OSBPL8: variants seen among roughly 807,000 people sequenced by gnomAD.
OSBPL8 encodes oxysterol binding protein like 8, also known as oxysterol-binding protein-related protein 8.
A neutral mutation model predicts 125.5 loss-of-function variants in OSBPL8; 59 were observed. The ratio of observed to expected loss-of-function variants is 0.47; its 90% CI spans 0.38 to 0.58. The LOEUF (loss-of-function observed/expected upper bound fraction) is 0.58. Among genes scored for constraint, OSBPL8 ranks in the 20% least tolerant of loss-of-function variants. The probability of loss-of-function intolerance (pLI) is 0.00; values close to 1 mark genes in which losing one functional copy is unlikely to be tolerated. For synonymous variants in OSBPL8, 330 were observed against 338.9 expected (o/e 0.97, Z 0.29); for missense variants, 758 against 1,047.8 (o/e 0.72, Z 3.82).
At chr12:76,488,261 T>C (rs1325913168) in intron 1 of OSBPL8, among the ~76,000 whole-genome samples, 1 of 152,226 alleles carries the variant, frequency 6.6e-6, no homozygotes, top group East Asian at 1.9e-4. Flanking sequence ...TAGATCTATA[T>C]ATACTAAACT....
chr12:76,371,609 A>T, intron 18 of OSBPL8, 25 bp from the exon 19 acceptor site: 1 of 1,517,990 alleles, frequency 6.6e-7, no homozygotes, highest in Non-Finnish European at 8.8e-7. Context: ...ATTCAAAATT[A>T]ATGTAAAGAA....
intron 1 of OSBPL8, among the ~76,000 whole-genome samples, chr12:76,554,468 C>A (rs1026765855): frequency 1.3e-5 from 2 of 152,158 alleles, no homozygotes; most frequent in African/African-American, 4.8e-5. Flanking sequence ...TAGGCTCTAC[C>A]ACCTACTACT....
intron 6 of OSBPL8, among the ~76,000 whole-genome samples, chr12:76,401,547 A>G (rs1954054160): frequency 6.6e-6 from 1 of 152,186 alleles, no homozygotes; most frequent in African/African-American, 2.4e-5. Context: ...AGAGACAGTA[A>G]CCTGCTCAGA....
intron 1 of OSBPL8, among the ~76,000 whole-genome samples, chr12:76,495,590 T>C (rs1215046866): frequency 6.6e-6 from 1 of 152,204 alleles, no homozygotes; most frequent in Non-Finnish European, 1.5e-5. Context: ...TCTGATACTA[T>C]GTCTCTATTC....
intron 1 of OSBPL8, among the ~76,000 whole-genome samples, chr12:76,550,981 G>A (rs1185583986): frequency 6.6e-6 from 1 of 152,078 alleles, no homozygotes; most frequent in African/African-American, 2.4e-5. Flanking sequence ...AGGTGAGGCA[G>A]GAGGATCCTT....
rs368407882 is a variant in OSBPL8, at chr12:76,372,171, TTC to T, written c.1918-589_1918-588del. Among the ~76,000 whole-genome samples the T allele has an allele frequency of 3.5e-4, 53 of 151,560 alleles. 1 individual carries two copies. The highest frequency in any genetic ancestry group is 1.3e-3 in the Admixed American group (20 of 15,202). On this transcript the variant is annotated intron_variant, in intron 18 of 23. Coordinates refer to ENST00000261183, the MANE Select transcript of OSBPL8 (RefSeq NM_020841.5). ...TCTACCTGTTTAACCATCCTTCTCC[TTC>T]TCTCTCTCTCTGTCATCTCTCACTC...
At chr12:76,437,649 TA>T (rs764489194) in intron 4 of OSBPL8, among the ~76,000 whole-genome samples, 1 of 152,158 alleles carries the variant, frequency 6.6e-6, no homozygotes, top group Non-Finnish European at 1.5e-5. Flanking sequence ...TTGCTTTCCC[TA>T]AAGAGTTAAG....
chr12:76,407,239 T>C lies in OSBPL8; in HGVS notation c.288+3325A>G, dbSNP rs533524168. ...CTGAAAAACAAGAGAGTTGGTTGCA[T>C]GCTCATATATATACACAAATTTATA... On this transcript the variant is annotated intron_variant, in intron 5 of 23. Coordinates refer to ENST00000261183, the MANE Select transcript of OSBPL8 (RefSeq NM_020841.5). 4.6e-5 allele frequency among the ~76,000 whole-genome samples: 7 copies of C among 152,316 alleles called. No individual in the cohort carries two copies. The South Asian group carries it at 1.4e-3, about 32-fold the overall frequency.
At chr12:76,406,932 T>C (rs993692762) in intron 5 of OSBPL8, among the ~76,000 whole-genome samples, 8 of 152,122 alleles carry the variant, frequency 5.3e-5, no homozygotes, top group African/African-American at 1.9e-4. Context: ...TTAAATAATG[T>C]CTTGGGGATG....
chr12:76,458,563 A>T (rs2136808113), intron 3 of OSBPL8, among the ~76,000 whole-genome samples: 1 of 152,010 alleles, frequency 6.6e-6, no homozygotes, highest in African/African-American at 2.4e-5. Context: ...TGGTGGCACA[A>T]GCCTGGAGTC....
chr12:76,400,085 G>A, intron 6 of OSBPL8, 111 bp from the exon 7 acceptor site: 1 of 737,548 alleles, frequency 1.4e-6, no homozygotes, highest in Non-Finnish European at 2.1e-6. Context: ...TGTGTCATGG[G>A]GTTTTGTTGT....
intron 22 of OSBPL8, among the ~76,000 whole-genome samples, 193 bp downstream of exon 22, chr12:76,358,513 T>C (rs533976365): frequency 6.6e-6 from 1 of 152,212 alleles, no homozygotes; most frequent in South Asian, 2.1e-4. Flanking sequence ...ATGTCTCCCC[T>C]TTTTCATTTT....
chr12:76,400,084 G>C, intron 6 of OSBPL8, 110 bp from the exon 7 acceptor site: 1 of 740,516 alleles, frequency 1.4e-6, no homozygotes, highest in Non-Finnish European at 2.1e-6. Flanking sequence ...CTGTGTCATG[G>C]GGTTTTGTTG....
chr12:76,433,314 C>T (rs114042748), intron 4 of OSBPL8, among the ~76,000 whole-genome samples: 1,585 of 152,168 alleles, frequency 0.01, 36 homozygotes, highest in African/African-American at 0.037. Context: ...CATAATCATA[C>T]ACGTAGAAAA....
chr12:76,508,560 A>T (rs1326468375), intron 1 of OSBPL8, among the ~76,000 whole-genome samples: 4 of 152,222 alleles, frequency 2.6e-5, no homozygotes, highest in Non-Finnish European at 5.9e-5. Flanking sequence ...TCTAAGTCAC[A>T]GAATGAGATA....
chr12:76,533,352 G>T (rs1049599300), intron 1 of OSBPL8, among the ~76,000 whole-genome samples: 1 of 152,036 alleles, frequency 6.6e-6, no homozygotes, highest in African/African-American at 2.4e-5. Context: ...TTTTCATTTG[G>T]ATCCTACTAC....
intron 1 of OSBPL8, among the ~76,000 whole-genome samples, chr12:76,554,945 C>CA (rs1416618447): frequency 6.6e-5 from 10 of 152,032 alleles, no homozygotes; most frequent in African/African-American, 2.4e-4. Flanking sequence ...CTCCATGGAT[C>CA]AAAAACACTA....
intron 2 of OSBPL8, among the ~76,000 whole-genome samples, chr12:76,464,692 C>T (rs1437732706): frequency 6.6e-6 from 1 of 152,182 alleles, no homozygotes; most frequent in East Asian, 1.9e-4. Context: ...TAATCCCACG[C>T]AATCTATAGT....
At chr12:76,553,681 G>GAA (rs746609478) in intron 1 of OSBPL8, among the ~76,000 whole-genome samples, 2 of 116,926 alleles carry the variant, frequency 1.7e-5, no homozygotes, top group East Asian at 2.3e-4. Context: ...TGTATCAGAA[G>GAA]AAAAAAAAAA....
Sources: allele counts gnomAD v4.1 joint callset (sites outside exome capture counted in the v4.1 genomes callset), GRCh38; gene constraint gnomAD v4.1.1; transcripts MANE v1.5; gene names NCBI Gene and HGNC (gene_info 2026-07-23, HGNC 2026-07-21).